The following APBB2 variants were observed in gnomAD, a reference collection of about 807,000 sequenced individuals.
The protein encoded by APBB2 is amyloid beta precursor protein binding family B member 2.
Under a neutral mutation model 82.5 loss-of-function variants are expected in APBB2, and 38 were observed. The ratio of observed to expected loss-of-function variants is 0.46; its 90% confidence interval spans 0.36 to 0.60. The LOEUF (loss-of-function observed/expected upper bound fraction) is 0.60. Among genes scored for constraint, APBB2 ranks in the 20% least tolerant of loss-of-function variants. APBB2 has a pLI of 0.00. For synonymous variants in APBB2, 341 were observed against 368.2 expected, an observed-to-expected ratio of 0.93 and a Z score of 0.85; for missense variants, 772 against 972.3, an observed-to-expected ratio of 0.79 and a Z score of 2.74.
intron 3 of APBB2, among the ~76,000 whole-genome samples, chr4:41,075,623 A>G (rs1735393185): frequency 6.6e-6 from 1 of 152,138 alleles, no homozygotes; most frequent in South Asian, 2.1e-4. Flanking sequence ...TCCAGCTTGG[A>G]CCCAACTCAA....
intron 3 of APBB2, among the ~76,000 whole-genome samples, chr4:41,080,022 C>T (rs1737026058): frequency 6.6e-6 from 1 of 152,144 alleles, no homozygotes. Flanking sequence ...TGTGAATGGG[C>T]AGAAGAGTAG....
chr4:40,928,529 G>T (rs1783265974), intron 10 of APBB2, among the ~76,000 whole-genome samples: 1 of 151,820 alleles, frequency 6.6e-6, no homozygotes, highest in African/African-American at 2.4e-5. Context: ...AGTGAGCTGA[G>T]ATTGCACCAC....
chr4:41,166,573 C>CAA (rs775152652), intron 1 of APBB2, among the ~76,000 whole-genome samples: 12 of 107,292 alleles, frequency 1.1e-4, no homozygotes, highest in African/African-American at 3.0e-4. Context: ...GCGAGACTGT[C>CAA]AAAAAAAAAA....
At chr4:41,134,473 C>T (rs937694203) in intron 2 of APBB2, among the ~76,000 whole-genome samples, 1 of 151,996 alleles carries the variant, frequency 6.6e-6, no homozygotes, top group African/African-American at 2.4e-5. Context: ...AGTCCCAGCC[C>T]CCAGCCCCCC....
At position 41,024,648 on chromosome 4, in the gene APBB2, T is replaced by C. The variant is rs115714724; in HGVS notation, c.19+8588A>G. ...AGACTCTCCCAGCCCTCCTTCAACA[T>C]AGGGAGAAGAAAACAAATTTTCCTT... On this transcript the variant is annotated intron_variant, in intron 5 of 17. Transcript: ENST00000508593. Among the ~76,000 whole-genome samples, 1,444 of 152,292 alleles carry C rather than the reference T, an allele frequency of 9.5e-3. 28 individuals carry two copies. Among genetic ancestry groups the C allele is most frequent in the African/African-American group, 0.033 (1,371 of 41,562 alleles).
At chr4:40,952,877 C>T (rs1323396600) in intron 6 of APBB2, among the ~76,000 whole-genome samples, 1 of 152,212 alleles carries the variant, frequency 6.6e-6, no homozygotes, top group African/African-American at 2.4e-5. Context: ...TCCTTCGTTG[C>T]AGGAGCTTGT....
chr4:41,108,957 C>T (rs938325946), intron 2 of APBB2, among the ~76,000 whole-genome samples: 13 of 152,248 alleles, frequency 8.5e-5, no homozygotes, highest in Non-Finnish European at 1.2e-4. Flanking sequence ...TGGCCTCGCA[C>T]ACTCCAAGTC....
At chr4:40,995,552 T>A (rs1010043130) in intron 6 of APBB2, among the ~76,000 whole-genome samples, 1 of 151,878 alleles carries the variant, frequency 6.6e-6, no homozygotes, top group African/African-American at 2.4e-5. Context: ...AAAAAAATTT[T>A]TTTTTTTTTT....
At chr4:41,081,670 C>T (rs993375509) in intron 3 of APBB2, among the ~76,000 whole-genome samples, 1 of 152,112 alleles carries the variant, frequency 6.6e-6, no homozygotes, top group East Asian at 1.9e-4. Flanking sequence ...TTACCTTGTC[C>T]AGTGAAGGTT....
intron 1 of APBB2, among the ~76,000 whole-genome samples, chr4:41,181,113 C>T (rs1376359813): frequency 6.6e-6 from 1 of 152,194 alleles, no homozygotes; most frequent in African/African-American, 2.4e-5. Flanking sequence ...CATTTAATAT[C>T]TCCTTTGATT....
intron 11 of APBB2, 100 bp from the exon 12 acceptor site, chr4:40,890,591 A>G (rs1186501988): frequency 6.6e-7 from 1 of 1,507,678 alleles, no homozygotes; most frequent in East Asian, 2.4e-5. Flanking sequence ...CATCAGAAGA[A>G]GCCACCCTGG....
intron 12 of APBB2, among the ~76,000 whole-genome samples, chr4:40,885,805 C>T (rs1213715578): frequency 1.3e-5 from 2 of 152,114 alleles, no homozygotes; most frequent in South Asian, 2.1e-4. Context: ...GTGTTTCCAC[C>T]GAGGAAACGG....
chr4:40,970,223 T>C (rs1435021886), intron 6 of APBB2, among the ~76,000 whole-genome samples: 2 of 152,328 alleles, frequency 1.3e-5, no homozygotes, highest in East Asian at 3.9e-4. Flanking sequence ...GGCATGACTA[T>C]ATAAATTAAT....
At chr4:40,991,828 T>G (rs946016836) in intron 6 of APBB2, among the ~76,000 whole-genome samples, 1 of 152,194 alleles carries the variant, frequency 6.6e-6, no homozygotes, top group Non-Finnish European at 1.5e-5. Flanking sequence ...CACTTGAAGA[T>G]GCTACTCGTC....
chr4:40,948,464 CAA>C (rs904835761), intron 6 of APBB2, among the ~76,000 whole-genome samples: 10 of 151,994 alleles, frequency 6.6e-5, no homozygotes, highest in Non-Finnish European at 1.3e-4. Context: ...GACAGCTACT[CAA>C]GAGGCTGAGG....
intron 5 of APBB2, among the ~76,000 whole-genome samples, chr4:41,024,445 C>A (rs1259161935): frequency 6.6e-6 from 1 of 152,244 alleles, no homozygotes; most frequent in Non-Finnish European, 1.5e-5. Context: ...GGTCTAATAT[C>A]CAGCACCTAT....
chr4:40,970,663 T>C (rs1012974795), intron 6 of APBB2, among the ~76,000 whole-genome samples: 1 of 152,094 alleles, frequency 6.6e-6, no homozygotes, highest in Non-Finnish European at 1.5e-5. Context: ...CATGAAAATG[T>C]ATGGGAGTGA....
chr4:40,842,439 C>T (rs776289075), intron 12 of APBB2: 173 of 446,542 alleles, frequency 3.9e-4, no homozygotes, highest in Middle Eastern at 2.3e-3. Context: ...CACGGCATCC[C>T]GCCAATAACA....
chr4:41,016,395 C>T (rs1454889461), intron 5 of APBB2, among the ~76,000 whole-genome samples: 1 of 152,278 alleles, frequency 6.6e-6, no homozygotes, highest in Non-Finnish European at 1.5e-5. Context: ...GGTGCGGTGG[C>T]TCACGCCTGT....
Sources: gnomAD v4.1 joint callset for allele counts (sites outside exome capture counted in the v4.1 genomes callset) on GRCh38, gnomAD v4.1.1 for gene constraint, MANE v1.5 for transcripts, NCBI Gene and HGNC (gene_info 2026-07-23, HGNC 2026-07-21) for gene names.